Variants in NDST4 observed in about 807,000 individuals in gnomAD.
NDST4 encodes the protein N-deacetylase and N-sulfotransferase 4.
In NDST4, 63 loss-of-function variants were observed where a neutral mutation model predicts 100.8. The observed-to-expected ratio is 0.62, with a 90% CI of 0.51 to 0.77. The LOEUF is 0.77. Ranked by LOEUF, NDST4 falls within the 30% of genes least tolerant of loss-of-function variation. The pLI is 0.00. For missense variants in NDST4, 943 were observed against 1,018.4 expected (o/e 0.93, Z 1.01); for synonymous variants, 377 against 361.8 (o/e 1.04, Z -0.48).
intron 7 of NDST4, among the ~76,000 whole-genome samples, chr4:114,859,791 C>A (rs1022648837): frequency 4.6e-5 from 7 of 152,192 alleles, no homozygotes; most frequent in African/African-American, 7.2e-5. Context: ...TAAGGCTAGG[C>A]TTTACCAGAG....
In NDST4 at chr4:115,060,163, T is replaced by C. The variant is rs995847289; in HGVS notation, c.978+15896A>G. On this transcript the variant is annotated intron_variant, in intron 2 of 13. Transcript: ENST00000264363. Reference sequence around the variant, plus strand: ...AATTTATACTGTAGGGTAAGTGCTATATGGATGCCAATCAATGTGTTCCTT... The same window carrying C: ...AATTTATACTGTAGGGTAAGTGCTACATGGATGCCAATCAATGTGTTCCTT... 5.9e-5 allele frequency among the ~76,000 whole-genome samples: 9 copies of C among 152,016 alleles called. 1 individual carries two copies. The South Asian group carries it at 1.7e-3, about 28-fold the overall frequency.
intron 10 of NDST4, among the ~76,000 whole-genome samples, chr4:114,841,359 A>C (rs974872278): frequency 2.0e-5 from 3 of 152,222 alleles, no homozygotes; most frequent in Non-Finnish European, 4.4e-5. Context: ...GTATTTACTG[A>C]ATAGACAGGA....
chr4:114,857,476 G>T (rs1723822270), intron 7 of NDST4, among the ~76,000 whole-genome samples: 1 of 152,154 alleles, frequency 6.6e-6, no homozygotes, highest in Non-Finnish European at 1.5e-5. Flanking sequence ...ACCTGTCACT[G>T]TTGCACTGAT....
intron 6 of NDST4, among the ~76,000 whole-genome samples, chr4:114,911,362 C>T (rs1268267644): frequency 6.6e-6 from 1 of 152,156 alleles, no homozygotes; most frequent in Non-Finnish European, 1.5e-5. Flanking sequence ...TTTATATGGC[C>T]ACATTAATGA....
intron 6 of NDST4, among the ~76,000 whole-genome samples, chr4:114,929,617 C>G (rs754049574): frequency 2.0e-5 from 3 of 152,096 alleles, no homozygotes; most frequent in Non-Finnish European, 2.9e-5. Flanking sequence ...CTATCCTATT[C>G]TGCCTAAAAT....
chr4:114,986,776 C>T (rs1159777881), intron 2 of NDST4, among the ~76,000 whole-genome samples: 2 of 107,512 alleles, frequency 1.9e-5, no homozygotes, highest in African/African-American at 7.7e-5. Flanking sequence ...TTCCTCTAAG[C>T]CTGGTATCCA....
intron 2 of NDST4, among the ~76,000 whole-genome samples, chr4:115,071,023 T>C (rs1729065996): frequency 6.6e-6 from 1 of 151,980 alleles, no homozygotes; most frequent in African/African-American, 2.4e-5. Context: ...GAGAATTGCT[T>C]GAACCCAGGA....
rs987840934 is a variant in NDST4, at chr4:114,878,494, T to C, written c.1537-7544A>G. Among the ~76,000 whole-genome samples, 11 of 152,162 alleles carry C rather than the reference T, an allele frequency of 7.2e-5. 1 individual carries two copies. The highest frequency in any genetic ancestry group is 1.6e-4 in the Non-Finnish European group (11 of 68,022). On this transcript the variant is annotated intron_variant, in intron 6 of 13. Coordinates refer to ENST00000264363, the MANE Select transcript of NDST4 (RefSeq NM_022569.3). Reference sequence around the variant, plus strand: ...ATCCCAGAAGTTTGTATTTAATAAGTCTGAAAATATTTAAAAAATCAGATT... The same window carrying C: ...ATCCCAGAAGTTTGTATTTAATAAGCCTGAAAATATTTAAAAAATCAGATT...
At chr4:115,013,324 T>C (rs1365916359) in intron 2 of NDST4, among the ~76,000 whole-genome samples, 2 of 103,356 alleles carry the variant, frequency 1.9e-5, no homozygotes, top group East Asian at 5.4e-4. Context: ...ATATCTCATG[T>C]ACTCCATAAA....
intron 2 of NDST4, among the ~76,000 whole-genome samples, chr4:114,999,058 G>C (rs1727226845): frequency 6.6e-6 from 1 of 152,126 alleles, no homozygotes; most frequent in Non-Finnish European, 1.5e-5. Context: ...ACAAATACTG[G>C]GCACAGCTTC....
rs140050054 is a variant in NDST4 at position 114,877,312 on chromosome 4, A to C, written c.1537-6362T>G. Among the ~76,000 whole-genome samples, 429 of 152,298 alleles carry C rather than the reference A, an allele frequency of 2.8e-3. 1 individual carries two copies. Among genetic ancestry groups the C allele is most frequent in the Middle Eastern group, 0.01 (3 of 294 alleles). On this transcript the variant is annotated intron_variant, in intron 6 of 13. Coordinates refer to ENST00000264363, the MANE Select transcript of NDST4 (RefSeq NM_022569.3). ...TTTCCTAGAATGGATTAAATCTAAA[A>C]TATCACTTACATATTTTTACTTTTT...
intron 2 of NDST4, among the ~76,000 whole-genome samples, chr4:115,050,836 T>C (rs1240846973): frequency 6.6e-6 from 1 of 152,138 alleles, no homozygotes; most frequent in Non-Finnish European, 1.5e-5. Context: ...CTTATGACTA[T>C]AGAAATAAGT....
chr4:115,041,860 C>G (rs931823667), intron 2 of NDST4, among the ~76,000 whole-genome samples: 3 of 151,980 alleles, frequency 2.0e-5, no homozygotes, highest in Non-Finnish European at 4.4e-5. Flanking sequence ...AAAAATAAAA[C>G]CGAGGTGGTA....
At chr4:114,970,652 A>C (rs1726492577) in intron 3 of NDST4, 68 bp from the exon 4 acceptor site, 1 of 1,374,330 alleles carries the variant, frequency 7.3e-7, no homozygotes, top group African/African-American at 1.5e-5. Flanking sequence ...TATTTTTGTC[A>C]GATTTATGTT....
chr4:114,988,104 TTATGGAATTCTGAAAA>T (rs1560846094), intron 2 of NDST4, among the ~76,000 whole-genome samples: 1 of 152,064 alleles, frequency 6.6e-6, no homozygotes, highest in Non-Finnish European at 1.5e-5. Flanking sequence ...TTCCTTCATA[TTATGGAATTCTGAAAA>T]TATATTTAGA....
At position 115,054,282 on chromosome 4, in the gene NDST4, G is replaced by A. The variant is rs181831617; in HGVS notation, c.978+21777C>T. 2.2e-4 allele frequency among the ~76,000 whole-genome samples: 34 copies of A among 152,168 alleles called. No individual in the cohort carries two copies. The East Asian group carries it at 6.0e-3, about 27-fold the overall frequency. On this transcript the variant is annotated intron_variant, in intron 2 of 13. Transcript: ENST00000264363. Reference sequence around the variant, plus strand: ...ATGAGGCAAGCAATCACTGGAGGGAGTTCTTGCATATCAGTTTAACTAAAT... The same window carrying A: ...ATGAGGCAAGCAATCACTGGAGGGAATTCTTGCATATCAGTTTAACTAAAT...
intron 1 of NDST4, among the ~76,000 whole-genome samples, chr4:115,090,999 CT>C (rs1182484755): frequency 1.3e-5 from 2 of 152,024 alleles, no homozygotes; most frequent in East Asian, 1.9e-4. Flanking sequence ...CAATATACAT[CT>C]TTTTGTTACT....
At chr4:114,914,831 C>T (rs1199625875) in intron 6 of NDST4, among the ~76,000 whole-genome samples, 1 of 152,092 alleles carries the variant, frequency 6.6e-6, no homozygotes, top group Admixed American at 6.6e-5. Context: ...GCAAGAGCAG[C>T]TGCTTGTTTC....
intron 2 of NDST4, among the ~76,000 whole-genome samples, chr4:115,021,258 C>CAT (rs1401779331): frequency 2.7e-5 from 4 of 147,406 alleles, no homozygotes; most frequent in Non-Finnish European, 5.9e-5. Context: ...ATATATTCCA[C>CAT]ATATATATAT....
Sources: gnomAD v4.1 joint callset for allele counts (sites outside exome capture counted in the v4.1 genomes callset) on GRCh38, gnomAD v4.1.1 for gene constraint, MANE v1.5 for transcripts, NCBI Gene and HGNC (gene_info 2026-07-23, HGNC 2026-07-21) for gene names.